COX10: variants seen among roughly 807,000 people sequenced by gnomAD.
The protein encoded by COX10 is protoheme IX farnesyltransferase, mitochondrial.
Under a neutral mutation model 37.3 loss-of-function variants are expected in COX10, and 27 were observed. The ratio of observed to expected loss-of-function variants is 0.72; its 90% CI spans 0.53 to 1.00. The LOEUF (loss-of-function observed/expected upper bound fraction) is 1.00, where lower values mean the gene tolerates loss of function less well. Ranked by LOEUF, COX10 falls within the 50% of genes least tolerant of loss-of-function variation. The pLI, the probability that COX10 is intolerant of heterozygous loss-of-function variation, is 0.00. For synonymous variants in COX10, 222 were observed against 229.1 expected, an observed-to-expected ratio of 0.97 and a Z score of 0.28; for missense variants, 475 against 563.2, an observed-to-expected ratio of 0.84 and a Z score of 1.59.
intron 3 of COX10, among the ~76,000 whole-genome samples, chr17:14,091,106 C>T (rs938313252): frequency 2.0e-4 from 30 of 152,192 alleles, no homozygotes; most frequent in African/African-American, 9.7e-5. Flanking sequence ...TGTTAGGCAG[C>T]TGTGCATTTA....
chr17:14,092,953 C>T (rs890686257), intron 3 of COX10, among the ~76,000 whole-genome samples: 1 of 152,132 alleles, frequency 6.6e-6, no homozygotes, highest in Admixed American at 6.5e-5. Flanking sequence ...AATTCCATTG[C>T]TTGGGCACAC....
chr17:14,121,701 C>A (rs1393910428), intron 4 of COX10, among the ~76,000 whole-genome samples: 1 of 152,078 alleles, frequency 6.6e-6, no homozygotes, highest in Admixed American at 6.6e-5. Flanking sequence ...AAGATATATA[C>A]ATAAATAAAT....
intron 6 of COX10, among the ~76,000 whole-genome samples, chr17:14,206,237 G>A (rs1279415442): frequency 6.6e-6 from 1 of 152,104 alleles, no homozygotes; most frequent in Non-Finnish European, 1.5e-5. Context: ...CCCTGGAAAG[G>A]GAGCCAGGGC....
intron 6 of COX10, 46 bp from the exon 7 acceptor site, chr17:14,206,764 G>A (rs762338317): frequency 7.9e-5 from 128 of 1,611,148 alleles, no homozygotes; most frequent in Non-Finnish European, 1.1e-4. Context: ...GAAATCTCTG[G>A]TGATGACTGC....
At chr17:14,132,926 T>C (rs1292832835) in intron 4 of COX10, among the ~76,000 whole-genome samples, 1 of 151,720 alleles carries the variant, frequency 6.6e-6, no homozygotes, top group Non-Finnish European at 1.5e-5. Context: ...ACTTTAACCA[T>C]TCTTATTTTC....
chr17:14,104,758 T>G (rs561966858), intron 4 of COX10, among the ~76,000 whole-genome samples: 1 of 152,284 alleles, frequency 6.6e-6, no homozygotes, highest in East Asian at 1.9e-4. Flanking sequence ...GGAAAGCTGT[T>G]TTTACTTTTG....
chr17:14,074,193 C>A (rs770419247), intron 1 of COX10, 130 bp from the exon 2 acceptor site: 15 of 934,828 alleles, frequency 1.6e-5, no homozygotes, highest in Admixed American at 4.3e-5. Flanking sequence ...TAGATTATTT[C>A]AAAGCTCTGA....
chr17:14,180,684 A>T (rs1210073223), intron 5 of COX10, among the ~76,000 whole-genome samples: 1 of 152,206 alleles, frequency 6.6e-6, no homozygotes, highest in African/African-American at 2.4e-5. Context: ...AACTTAGTCT[A>T]TCACTTGTAG....
rs192614512 is a variant in COX10, at chr17:14,113,720, A to G, written c.624+11478A>G. ...GTTACTGCTTTAGCATTCAAAAGGT[A>G]AAGTCACAGAGACTCAAAATTGCTT... On this transcript the variant is annotated intron_variant, in intron 4 of 6. Transcript: ENST00000261643. Among the ~76,000 whole-genome samples, 5 of 152,294 alleles carry G rather than the reference A, an allele frequency of 3.3e-5. No individual in the cohort carries two copies. The East Asian group carries it at 9.6e-4, about 29-fold the overall frequency.
chr17:14,081,389 G>A (rs1267065163), intron 3 of COX10, among the ~76,000 whole-genome samples: 1 of 152,182 alleles, frequency 6.6e-6, no homozygotes, highest in African/African-American at 2.4e-5. Flanking sequence ...CGAATGAGTA[G>A]GACCTTAGCT....
intron 4 of COX10, among the ~76,000 whole-genome samples, chr17:14,125,237 G>A (rs1365617059): frequency 6.6e-6 from 1 of 152,154 alleles, no homozygotes; most frequent in Non-Finnish European, 1.5e-5. Flanking sequence ...AGGCTCTACT[G>A]CTACAGCTGA....
At chr17:14,165,242 A>G (rs900651630) in intron 5 of COX10, among the ~76,000 whole-genome samples, 3 of 152,184 alleles carry the variant, frequency 2.0e-5, no homozygotes, top group African/African-American at 7.2e-5. Context: ...TGCTTCATAG[A>G]TACTACATTT....
chr17:14,160,651 T>C (rs987840914), intron 5 of COX10, among the ~76,000 whole-genome samples: 7 of 152,218 alleles, frequency 4.6e-5, no homozygotes, highest in Admixed American at 2.0e-4. Context: ...GTGAATCAAA[T>C]GATCACACAT....
At chr17:14,112,808 A>G (rs1165316755) in intron 4 of COX10, among the ~76,000 whole-genome samples, 1 of 152,136 alleles carries the variant, frequency 6.6e-6, no homozygotes. Flanking sequence ...ATTTTATAAC[A>G]TGGAGGACCA....
At chr17:14,140,072 G>C (rs761723496) in intron 4 of COX10, among the ~76,000 whole-genome samples, 1 of 152,126 alleles carries the variant, frequency 6.6e-6, no homozygotes, top group South Asian at 2.1e-4. Context: ...TTCCCAATGT[G>C]TTTTGGAAAG....
Position 14,181,866 on chromosome 17 carries a change from G to A in COX10, c.696-10123G>A, listed in dbSNP as rs1001184270. 4.0e-5 allele frequency among the ~76,000 whole-genome samples: 6 copies of A among 151,386 alleles called. 1 individual carries two copies. The highest frequency in any genetic ancestry group is 1.3e-4 in the Admixed American group (2 of 15,218). On this transcript the variant is annotated intron_variant, in intron 5 of 6. Transcript: ENST00000261643. ...GGAATCACTCCTCCTTAAAAATTCC[G>A]AAGTCTTTGTACAAATTACCCTTAA...
chr17:14,160,745 T>C (rs1157862463), intron 5 of COX10, among the ~76,000 whole-genome samples: 1 of 152,234 alleles, frequency 6.6e-6, no homozygotes, highest in Non-Finnish European at 1.5e-5. Flanking sequence ...TAGCTGGTTT[T>C]AGACATTTCT....
intron 3 of COX10, among the ~76,000 whole-genome samples, chr17:14,081,094 C>T (rs886737225): frequency 6.6e-6 from 1 of 152,198 alleles, no homozygotes; most frequent in East Asian, 1.9e-4. Flanking sequence ...GGAACACAAC[C>T]ACGCCCACTT....
At chr17:14,196,044 GA>G (rs904572099) in intron 6 of COX10, among the ~76,000 whole-genome samples, 80 of 148,984 alleles carry the variant, frequency 5.4e-4, no homozygotes, top group African/African-American at 1.9e-3. Context: ...GCCCTTCTGA[GA>G]AAAAAAAAAT....
Sources: gnomAD v4.1 joint callset for allele counts (sites outside exome capture counted in the v4.1 genomes callset) on GRCh38, gnomAD v4.1.1 for gene constraint, MANE v1.5 for transcripts, NCBI Gene and HGNC (gene_info 2026-07-23, HGNC 2026-07-21) for gene names.